Variants in RCL1 observed in about 807,000 individuals in gnomAD.
RCL1 encodes RNA terminal phosphate cyclase like 1.
RCL1 carries 24 observed loss-of-function variants against 42.4 expected under a neutral mutation model. The observed-to-expected ratio is 0.57, with a 90% CI of 0.41 to 0.80. The LOEUF is 0.80. Ranked by LOEUF, RCL1 falls within the 30% of genes least tolerant of loss-of-function variation. The pLI is 0.00. For missense variants in RCL1, 578 were observed against 467.9 expected (o/e 1.24, Z -2.17); for synonymous variants, 228 against 177.3 (o/e 1.29, Z -2.27).
intron 1 of RCL1, among the ~76,000 whole-genome samples, chr9:4,822,166 C>A (rs1013745021): frequency 2.0e-5 from 3 of 152,188 alleles, no homozygotes; most frequent in African/African-American, 7.2e-5. Flanking sequence ...AGTTATGGGA[C>A]AGTGTTATGT....
chr9:4,839,551 C>T, intron 5 of RCL1: 1 of 493,200 alleles, frequency 2.0e-6, no homozygotes, highest in Non-Finnish European at 2.6e-6. Flanking sequence ...AGGACAGCAC[C>T]TGCTTGGTCC....
intron 3 of RCL1, 117 bp downstream of exon 3, chr9:4,827,150 G>C: frequency 6.4e-7 from 1 of 1,556,332 alleles, no homozygotes; most frequent in Non-Finnish European, 8.7e-7. Flanking sequence ...TATTGCTTTT[G>C]TTATTTACTT....
At chr9:4,811,220 T>G (rs1201964545) in intron 1 of RCL1, among the ~76,000 whole-genome samples, 1 of 150,882 alleles carries the variant, frequency 6.6e-6, no homozygotes, top group Non-Finnish European at 1.5e-5. Flanking sequence ...AGTTGGAGGT[T>G]GCAGTGAGTC....
chr9:4,859,901 T>G (rs1050228879), intron 8 of RCL1, among the ~76,000 whole-genome samples: 2 of 152,168 alleles, frequency 1.3e-5, no homozygotes, highest in Admixed American at 6.5e-5. Flanking sequence ...CCCCCCCCAG[T>G]TTAATTTATC....
intron 8 of RCL1, among the ~76,000 whole-genome samples, chr9:4,853,769 T>C (rs1456790479): frequency 2.6e-5 from 4 of 151,556 alleles, no homozygotes; most frequent in Non-Finnish European, 5.9e-5. Context: ...CTATCTTTAG[T>C]TGGAAATCTA....
At chr9:4,818,794 C>G (rs532453104) in intron 1 of RCL1, among the ~76,000 whole-genome samples, 1 of 151,180 alleles carries the variant, frequency 6.6e-6, no homozygotes, top group African/African-American at 2.4e-5. Flanking sequence ...ATTGGTTGAA[C>G]CCTGGAGGCG....
intron 1 of RCL1, among the ~76,000 whole-genome samples, chr9:4,819,817 A>G (rs55807664): frequency 0.027 from 4,123 of 152,334 alleles, 175 homozygotes; most frequent in African/African-American, 0.09. Context: ...AAAACAAAAC[A>G]AAACAAAACA....
At chr9:4,796,016 C>G (rs1045556914) in intron 1 of RCL1, among the ~76,000 whole-genome samples, 3 of 152,112 alleles carry the variant, frequency 2.0e-5, no homozygotes, top group Admixed American at 6.5e-5. Context: ...GTTTTCTGGA[C>G]CTGATCTGGA....
At chr9:4,857,361 T>C (rs1185424134) in intron 8 of RCL1, among the ~76,000 whole-genome samples, 1 of 152,126 alleles carries the variant, frequency 6.6e-6, no homozygotes, top group African/African-American at 2.4e-5. Flanking sequence ...AATCATACAC[T>C]ATCTGGTCCT....
intron 2 of RCL1, among the ~76,000 whole-genome samples, chr9:4,825,747 T>G (rs1816739289): frequency 6.6e-6 from 1 of 152,114 alleles, no homozygotes; most frequent in African/African-American, 2.4e-5. Context: ...AGTAAGAAGC[T>G]TTTTGGAGAG....
intron 1 of RCL1, among the ~76,000 whole-genome samples, chr9:4,793,460 C>G (rs1842865138): frequency 6.6e-6 from 1 of 152,248 alleles, no homozygotes; most frequent in African/African-American, 2.4e-5. Context: ...CTCCGGGGCG[C>G]TGGTAGTAAA....
intron 1 of RCL1, among the ~76,000 whole-genome samples, chr9:4,805,281 G>C (rs1843083987): frequency 6.6e-6 from 1 of 152,150 alleles, no homozygotes; most frequent in Non-Finnish European, 1.5e-5. Flanking sequence ...CCAGCTACTT[G>C]AGGAGGCTGA....
intron 3 of RCL1, chr9:4,827,320 G>A (rs1244666713): frequency 8.6e-7 from 1 of 1,165,096 alleles, no homozygotes; most frequent in Admixed American, 2.9e-5. Flanking sequence ...ATGAACTATA[G>A]TTCTGCTGGC....
intron 5 of RCL1, among the ~76,000 whole-genome samples, chr9:4,835,552 T>C (rs933680815): frequency 2.0e-5 from 3 of 152,178 alleles, no homozygotes; most frequent in Non-Finnish European, 4.4e-5. Context: ...GAAGGAAGGA[T>C]GAGGGAGTAA....
chr9:4,798,700 G>A (rs984851636), intron 1 of RCL1, among the ~76,000 whole-genome samples: 30 of 151,992 alleles, frequency 2.0e-4, no homozygotes, highest in African/African-American at 6.5e-4. Flanking sequence ...ATTTTATTTC[G>A]GCCTGGTTTG....
chr9:4,844,478 C>G, intron 6 of RCL1, 47 bp from the exon 7 acceptor site: 1 of 1,460,664 alleles, frequency 6.8e-7, no homozygotes, highest in Non-Finnish European at 9.4e-7. Flanking sequence ...TGAGTGGAAA[C>G]CTCACTTGGT....
chr9:4,839,852 G>C, intron 5 of RCL1: 3 of 985,516 alleles, frequency 3.0e-6, no homozygotes, highest in Non-Finnish European at 3.6e-6. Context: ...TGTGAAGAGA[G>C]ATGTATGGTA....
chr9:4,800,569 C>T (rs543362107), intron 1 of RCL1, among the ~76,000 whole-genome samples: 3 of 151,520 alleles, frequency 2.0e-5, no homozygotes, highest in African/African-American at 7.3e-5. Context: ...GAATAAATGC[C>T]CAGGAGTGCT....
chr9:4,845,785 G>A (rs902269542), intron 7 of RCL1, among the ~76,000 whole-genome samples: 2 of 152,216 alleles, frequency 1.3e-5, no homozygotes, highest in Non-Finnish European at 2.9e-5. Context: ...TACTCTAGTT[G>A]ATTTGCTGTT....
Sources: allele counts gnomAD v4.1 joint callset (sites outside exome capture counted in the v4.1 genomes callset), GRCh38; gene constraint gnomAD v4.1.1; transcripts MANE v1.5; gene names NCBI Gene and HGNC (gene_info 2026-07-23, HGNC 2026-07-21).